The following FOXK2 variants were observed in gnomAD, a reference collection of about 807,000 sequenced individuals.
FOXK2 encodes the protein forkhead box K2.
FOXK2 carries 24 observed loss-of-function variants against 53.3 expected under a neutral mutation model. That is an observed-to-expected ratio of 0.45 (90% CI 0.33 to 0.63). The LOEUF is 0.63. Among genes scored for constraint, FOXK2 ranks in the 30% least tolerant of loss-of-function variants. FOXK2 has a pLI of 0.03. For synonymous variants in FOXK2, 505 were observed against 407.1 expected (o/e 1.24, Z -2.89); for missense variants, 952 against 910.5 (o/e 1.05, Z -0.59).
chr17:82,586,307 G>C, intron 7 of FOXK2, 107 bp downstream of exon 7: 1 of 264,914 alleles, frequency 3.8e-6, no homozygotes, highest in South Asian at 4.6e-5. Context: ...AGGTGGGCCG[G>C]GGGGGAAAGG....
chr17:82,543,360 G>A (rs1036661861), intron 1 of FOXK2, among the ~76,000 whole-genome samples: 4 of 149,918 alleles, frequency 2.7e-5, no homozygotes, highest in Non-Finnish European at 3.0e-5. Context: ...CATGTTATCC[G>A]GGGAGGCCGT....
chr17:82,549,406 A>AATTATTCTC, intron 1 of FOXK2, among the ~76,000 whole-genome samples: 1 of 151,848 alleles, frequency 6.6e-6, no homozygotes, highest in East Asian at 1.9e-4. Context: ...AAACCCCCAA[A>AATTATTCTC]ATTATTCTCC....
chr17:82,545,593 T>TC (rs2044616808), intron 1 of FOXK2, among the ~76,000 whole-genome samples: 1 of 143,646 alleles, frequency 7.0e-6, no homozygotes, highest in East Asian at 1.9e-4. Flanking sequence ...TTTTTTTTTT[T>TC]TCTTTTGAGA....
rs149461714 is a variant in FOXK2, at chr17:82,582,848, A to G, written c.1017A>G (p.Glu339=). 38 of 1,613,494 alleles carry G rather than the reference A, an allele frequency of 2.4e-5. No homozygotes were observed. Among genetic ancestry groups the G allele is most frequent in the Middle Eastern group, 3.3e-4 (2 of 6,082 alleles). ...GSFWRIDPAS[E]SKLIEQAFRK... ...TCTGGAGGATAGACCCAGCCTCTGA[A>G]AGCAAATTAATAGAACAGGCTTTTA... Residue 339 remains glutamate, a synonymous_variant, in exon 5 of 9, where the codon GAA becomes GAG. Coordinates refer to ENST00000335255, the MANE Select transcript of FOXK2 (RefSeq NM_004514.4).
intron 8 of FOXK2, among the ~76,000 whole-genome samples, chr17:82,591,361 G>A (rs1262300025): frequency 2.6e-5 from 4 of 152,104 alleles, no homozygotes; most frequent in Admixed American, 6.5e-5. Context: ...CGTTGTCGCC[G>A]TTGTCCACAC....
intron 1 of FOXK2, among the ~76,000 whole-genome samples, chr17:82,532,344 A>G (rs1432723696): frequency 2.0e-5 from 3 of 151,670 alleles, no homozygotes; most frequent in African/African-American, 7.3e-5. Context: ...GGGTTTCACC[A>G]TGTTGGCCAG....
In FOXK2 at chr17:82,586,195, T is replaced by A; in HGVS notation, c.1571T>A (p.Val524Asp). The A allele has an allele frequency of 6.3e-7, 1 of 1,579,182 alleles. No homozygotes were observed. Among genetic ancestry groups the A allele is most frequent in the Non-Finnish European group, 8.6e-7 (1 of 1,166,398 alleles). The change falls in exon 7 of 9, where the codon GTC becomes GAC. Residue 524 changes from valine (V) to aspartate (D), a missense_variant. By Grantham distance (152) the Val-to-Asp change is radical (BLOSUM62 -3). Coordinates refer to ENST00000335255, the MANE Select transcript of FOXK2 (RefSeq NM_004514.4). ...CAGGAGAATGGAGACCACAGGGAAG[T>A]CAAAGGTAGGCGGAGGGGAAAGGAG... Reference protein sequence around the residue: ...EAQENGDHREVKVKVEPIPAI... With the variant: ...EAQENGDHREDKVKVEPIPAI...
intron 1 of FOXK2, among the ~76,000 whole-genome samples, chr17:82,542,461 C>T (rs1208886574): frequency 2.0e-5 from 3 of 152,094 alleles, no homozygotes; most frequent in African/African-American, 4.8e-5. Flanking sequence ...CCACCATGCC[C>T]TTCCCCAGTT....
chr17:82,540,150 G>T (rs993826919), intron 1 of FOXK2, among the ~76,000 whole-genome samples: 4 of 151,614 alleles, frequency 2.6e-5, no homozygotes, highest in African/African-American at 9.7e-5. Context: ...GTGTGATGGC[G>T]GATGCCTGTA....
At chr17:82,523,794 G>C (rs1199270110) in intron 1 of FOXK2, among the ~76,000 whole-genome samples, 1 of 151,370 alleles carries the variant, frequency 6.6e-6, no homozygotes, top group Non-Finnish European at 1.5e-5. Context: ...CTTTTTTTCT[G>C]AATTTAAGCT....
At chr17:82,596,663 TA>T (rs558084270) in intron 8 of FOXK2, among the ~76,000 whole-genome samples, 123 of 145,816 alleles carry the variant, frequency 8.4e-4, no homozygotes, top group Admixed American at 4.2e-3. Flanking sequence ...TCAGCCATTC[TA>T]GGTCCTTGGC....
At chr17:82,574,024 C>T (rs1279135887) in intron 4 of FOXK2, among the ~76,000 whole-genome samples, 1 of 152,264 alleles carries the variant, frequency 6.6e-6, no homozygotes, top group African/African-American at 2.4e-5. Context: ...CCCCACGGGA[C>T]CCCTCATGCA....
At chr17:82,590,149 A>C (rs1055226078) in intron 8 of FOXK2, among the ~76,000 whole-genome samples, 3 of 152,112 alleles carry the variant, frequency 2.0e-5, no homozygotes, top group Non-Finnish European at 4.4e-5. Context: ...TGAGCAGATG[A>C]GAGAGGCTGT....
chr17:82,528,556 A>G lies in FOXK2; in HGVS notation c.419+8249A>G, dbSNP rs75133989. Reference sequence around the variant, plus strand: ...TGAATTTGCTGCTAAAATGCAGTACAGGAGGGCATGTTTAAGGCACACATT... The same window carrying G: ...TGAATTTGCTGCTAAAATGCAGTACGGGAGGGCATGTTTAAGGCACACATT... On this transcript the variant is annotated intron_variant, in intron 1 of 8. Coordinates refer to ENST00000335255, the MANE Select transcript of FOXK2 (RefSeq NM_004514.4). Among the ~76,000 whole-genome samples the G allele has an allele frequency of 9.7e-3, 1,484 of 152,286 alleles. 22 individuals are homozygous for G. The highest frequency in any genetic ancestry group is 0.033 in the African/African-American group (1,380 of 41,538).
At chr17:82,555,554 T>A (rs1025400218) in intron 1 of FOXK2, among the ~76,000 whole-genome samples, 1 of 151,994 alleles carries the variant, frequency 6.6e-6, no homozygotes. Context: ...ATAATTATAG[T>A]GTGGGTGTCC....
chr17:82,572,725 AG>A (rs1220817204), intron 4 of FOXK2, among the ~76,000 whole-genome samples: 1 of 152,242 alleles, frequency 6.6e-6, no homozygotes, highest in Non-Finnish European at 1.5e-5. Context: ...TTAAGTAACC[AG>A]GAACATCTAT....
chr17:82,553,797 C>T lies in FOXK2; in HGVS notation c.420-9557C>T, dbSNP rs992538135. On this transcript the variant is annotated intron_variant, in intron 1 of 8. Transcript: ENST00000335255. ...ACGGACGTTTGTCCCGTTGCTGTGA[C>T]GCAGATGGTGGATGGGCTGTGGGGC... Among the ~76,000 whole-genome samples the T allele has an allele frequency of 4.6e-5, 7 of 152,086 alleles. No homozygotes were observed. In the South Asian group the frequency reaches 6.2e-4, roughly 13 times the overall value.
At chr17:82,596,578 C>T (rs1359114567) in intron 8 of FOXK2, among the ~76,000 whole-genome samples, 1 of 152,274 alleles carries the variant, frequency 6.6e-6, no homozygotes, top group Non-Finnish European at 1.5e-5. Context: ...GCTCCCTGCC[C>T]AGCTCCTGCA....
chr17:82,594,118 C>T (rs879752120), intron 8 of FOXK2, among the ~76,000 whole-genome samples: 4 of 152,150 alleles, frequency 2.6e-5, no homozygotes, highest in South Asian at 2.1e-4. Flanking sequence ...GGGCTTGCTG[C>T]GTGTAGTACC....
Sources: allele counts gnomAD v4.1 joint callset (sites outside exome capture counted in the v4.1 genomes callset), GRCh38; gene constraint gnomAD v4.1.1; transcripts MANE v1.5; gene names NCBI Gene and HGNC (gene_info 2026-07-23, HGNC 2026-07-21).